KCTD9: variants seen among roughly 807,000 people sequenced by gnomAD.
The protein encoded by KCTD9 is BTB/POZ domain-containing protein KCTD9.
Under a neutral mutation model 53.3 loss-of-function variants are expected in KCTD9, and 17 were observed. The ratio of observed to expected loss-of-function variants is 0.32; its 90% confidence interval spans 0.22 to 0.48. The LOEUF (loss-of-function observed/expected upper bound fraction) is 0.48. Among genes scored for constraint, KCTD9 ranks in the 20% least tolerant of loss-of-function variants. The pLI, the probability that KCTD9 is intolerant of heterozygous loss-of-function variation, is 0.99. For synonymous variants in KCTD9, 128 were observed against 162.7 expected (o/e 0.79, Z 1.62); for missense variants, 179 against 465.5 (o/e 0.38, Z 5.66).
chr8:25,458,187 C>G lies in KCTD9; in HGVS notation c.48+12G>C. 6.4e-7 allele frequency: 1 copy of G among 1,561,772 alleles called. No individual in the cohort carries two copies. The highest frequency in any genetic ancestry group is 8.8e-7 in the Non-Finnish European group (1 of 1,142,002). ...ACCCCCGGCCCGCCGCGCCCCCTCA[C>G]GCCCCCGTTACCTTTCCGTTCTTGG... On this transcript the variant is annotated intron_variant, in intron 1 of 11. Transcript: ENST00000221200.
intron 3 of KCTD9, among the ~76,000 whole-genome samples, chr8:25,443,398 G>A (rs960944754): frequency 1.3e-5 from 2 of 152,104 alleles, no homozygotes; most frequent in African/African-American, 4.8e-5. Context: ...AAAAAATTAA[G>A]ACCATCTGAA....
chr8:25,431,998 C>A (rs908110787), intron 11 of KCTD9, among the ~76,000 whole-genome samples: 3 of 152,178 alleles, frequency 2.0e-5, no homozygotes, highest in African/African-American at 7.2e-5. Context: ...AGATATAGAA[C>A]ATGTCCCTCC....
rs1372714349 is a variant in KCTD9, at chr8:25,435,368, G to C, written c.808C>G (p.Leu270Val). The part of the protein sequence containing the change: ...LERADLSGSV[L>V]DCANLQGVKM... The stretch of plus-strand genomic sequence containing the variant: ...TAGCCTAAAATGATACTTACGTCAA[G>C]CACTGATCCAGAGAGATCAGCTCGT... The change falls in exon 9 of 12, where the codon CTT becomes GTT. Residue 270 changes from leucine (L) to valine (V), a missense_variant. Physicochemically the swap from Leu to Val is conservative, Grantham distance 32 (BLOSUM62 1). Transcript: ENST00000221200. The C allele has an allele frequency of 6.3e-7, 1 of 1,589,572 alleles. No homozygotes were observed. The highest frequency in any genetic ancestry group is 8.5e-7 in the Non-Finnish European group (1 of 1,169,960).
At position 25,439,357 on chromosome 8, in the gene KCTD9, T is replaced by C. The variant is rs1307038282; in HGVS notation, c.421A>G (p.Ser141Gly). 1.9e-6 allele frequency: 3 copies of C among 1,613,414 alleles called. No homozygotes were observed. Among genetic ancestry groups the C allele is most frequent in the Non-Finnish European group, 1.7e-6 (2 of 1,179,714 alleles). Residue 141 changes from serine to glycine, a missense_variant, in exon 6 of 12, where the codon AGT becomes GGT. Around this residue, in one of 4 missense-constraint regions of KCTD9, gnomAD observed 115 missense variants for 250.9 expected, o/e 0.46. Transcript: ENST00000221200. ...DHRGAFLIDR[S>G]PEYFEPILNY... ...AAAATGGGTTCGAAGTACTCAGGACTTCGGTCAATTAAGAAAGCTCCTCTA... is the reference window on the plus strand; with the variant it reads ...AAAATGGGTTCGAAGTACTCAGGACCTCGGTCAATTAAGAAAGCTCCTCTA...
rs17053655 is a variant in KCTD9 at position 25,438,009 on chromosome 8, G to C, written c.499+1270C>G. Among the ~76,000 whole-genome samples, 797 of 152,214 alleles carry C rather than the reference G, an allele frequency of 5.2e-3. 12 individuals are homozygous for C. Among genetic ancestry groups the C allele is most frequent in the East Asian group, 0.033 (170 of 5,182 alleles). On this transcript the variant is annotated intron_variant, in intron 6 of 11. Coordinates refer to ENST00000221200, the MANE Select transcript of KCTD9 (RefSeq NM_017634.4). ...AATGTAAAGAGTTTGGATGGAAACT[G>C]TACTAACTGAAAACAATGCTTTATA...
intron 1 of KCTD9, among the ~76,000 whole-genome samples, chr8:25,453,586 G>A (rs933391141): frequency 2.0e-5 from 3 of 151,016 alleles, no homozygotes; most frequent in African/African-American, 7.3e-5. Context: ...CCGGGAGGCG[G>A]AGGTTGTATT....
chr8:25,439,464 T>G (rs1802077275), intron 5 of KCTD9, 57 bp from the exon 6 acceptor site: 1 of 1,571,314 alleles, frequency 6.4e-7, no homozygotes, highest in Non-Finnish European at 8.6e-7. Context: ...AAGTCAGAAA[T>G]GTATGAGGAA....
At chr8:25,449,105 T>C (rs938899834) in intron 1 of KCTD9, among the ~76,000 whole-genome samples, 3 of 152,032 alleles carry the variant, frequency 2.0e-5, no homozygotes, top group African/African-American at 4.8e-5. Flanking sequence ...GCAAAGAGCA[T>C]GAAGAGAGTA....
At chr8:25,446,376 T>A in intron 1 of KCTD9, 126 bp from the exon 2 acceptor site, 1 of 1,076,010 alleles carries the variant, frequency 9.3e-7, no homozygotes, top group Non-Finnish European at 1.3e-6. Context: ...AAAAGGTTCT[T>A]AACAGTGCCC....
At chr8:25,434,474 G>T (rs796769349) in intron 9 of KCTD9, among the ~76,000 whole-genome samples, 7 of 151,900 alleles carry the variant, frequency 4.6e-5, no homozygotes, top group African/African-American at 1.7e-4. Flanking sequence ...AAACAAAGAT[G>T]CCTCTCGACA....
chr8:25,454,423 TAAAA>T (rs532715205), intron 1 of KCTD9, among the ~76,000 whole-genome samples: 2 of 149,988 alleles, frequency 1.3e-5, no homozygotes, highest in African/African-American at 5.0e-5. Context: ...TATTCTGAAG[TAAAA>T]AAAGCACTCT....
intron 1 of KCTD9, among the ~76,000 whole-genome samples, chr8:25,455,449 G>A (rs114732115): frequency 3.2e-3 from 484 of 152,148 alleles, no homozygotes; most frequent in African/African-American, 0.011. Context: ...TAATAAATAG[G>A]ACTTCAAATA....
chr8:25,439,191 C>T (rs1267503651), intron 6 of KCTD9, 88 bp downstream of exon 6: 1 of 1,009,008 alleles, frequency 9.9e-7, no homozygotes, highest in Non-Finnish European at 1.4e-6. Context: ...TGGAAATATA[C>T]TGTTACTGAG....
At chr8:25,455,139 C>T (rs1165276377) in intron 1 of KCTD9, among the ~76,000 whole-genome samples, 3 of 152,080 alleles carry the variant, frequency 2.0e-5, no homozygotes, top group African/African-American at 4.8e-5. Context: ...TTAGGAGAAT[C>T]GCTTGAACCT....
intron 11 of KCTD9, among the ~76,000 whole-genome samples, chr8:25,430,815 ACAC>A (rs1801914252): frequency 1.3e-5 from 1 of 75,040 alleles, no homozygotes; most frequent in South Asian, 3.6e-4. Flanking sequence ...AAATACACAC[ACAC>A]ACACACACAC....
chr8:25,439,425 T>A lies in KCTD9; in HGVS notation c.371-18A>T, dbSNP rs1554517092. The A allele has an allele frequency of 1.4e-5, 22 of 1,587,206 alleles. No homozygotes were observed. In the South Asian group the frequency reaches 2.3e-4, roughly 17 times the overall value. On this transcript the variant is annotated intron_variant, in intron 5 of 11. Coordinates refer to ENST00000221200, the MANE Select transcript of KCTD9 (RefSeq NM_017634.4). The stretch of plus-strand genomic sequence containing the variant: ...CCAGACACCTGTGTCACCATTATAA[T>A]AAAGAAAGTCCCCCATAAACAAAAA...
Position 25,440,683 on chromosome 8 carries a change from A to C in KCTD9, c.215-10T>G, listed in dbSNP as rs200827135. The C allele has an allele frequency of 5.8e-5, 89 of 1,542,508 alleles. 1 individual carries two copies. In the East Asian group the frequency reaches 2.0e-3, roughly 34 times the overall value. On this transcript the variant is annotated splice_polypyrimidine_tract_variant and intron_variant, in intron 3 of 11. Transcript: ENST00000221200. ...GAATCTGTCTGAGGATCTAGAGATG[A>C]CATGTAGAAAATAATACAAATATTA...
intron 10 of KCTD9, among the ~76,000 whole-genome samples, chr8:25,432,996 A>T (rs145980364): frequency 6.6e-6 from 1 of 152,040 alleles, no homozygotes; most frequent in Non-Finnish European, 1.5e-5. Flanking sequence ...ATTTTTAAAA[A>T]CTCCCTGGCT....
At chr8:25,430,063 G>T in intron 11 of KCTD9, 90 bp from the exon 12 acceptor site, 1 of 774,978 alleles carries the variant, frequency 1.3e-6, no homozygotes, top group Non-Finnish European at 2.3e-6. Context: ...GGCAGATTAG[G>T]AAAATGTTCT....
Sources: allele counts gnomAD v4.1 joint callset (sites outside exome capture counted in the v4.1 genomes callset), GRCh38; gene constraint gnomAD v4.1.1; regional missense constraint gnomAD v4.1.1; transcripts MANE v1.5; gene names NCBI Gene and HGNC (gene_info 2026-07-23, HGNC 2026-07-21).